ANXA7: variants seen among roughly 807,000 people sequenced by gnomAD.
The protein encoded by ANXA7 is annexin A7, also known as annexin VII.
A neutral mutation model predicts 64.9 loss-of-function variants in ANXA7; 55 were observed. The observed-to-expected ratio is 0.85, with a 90% CI of 0.68 to 1.06. The LOEUF is 1.06. Ranked by LOEUF, ANXA7 falls within the 50% of genes least tolerant of loss-of-function variation. The pLI is 0.00. For synonymous variants in ANXA7, 200 were observed against 192.4 expected, an observed-to-expected ratio of 1.04 and a Z score of -0.33; for missense variants, 548 against 582.1, an observed-to-expected ratio of 0.94 and a Z score of 0.60.
intron 12 of ANXA7, 90 bp from the exon 13 acceptor site, chr10:73,376,307 A>G: frequency 1.6e-6 from 2 of 1,272,966 alleles, no homozygotes; most frequent in Admixed American, 3.0e-5. Context: ...TCTTAATAAT[A>G]ATCAAAACTT....
intron 7 of ANXA7, among the ~76,000 whole-genome samples, chr10:73,384,118 CT>C (rs1338461901): frequency 6.7e-6 from 1 of 148,396 alleles, no homozygotes; most frequent in African/African-American, 2.5e-5. Context: ...AAGACTCCGT[CT>C]CAAAAAAAAA....
rs747521119 is a variant in ANXA7, at chr10:73,397,251, C to A, written c.283G>T (p.Val95Phe). ...GAAAAGCCTGCTCCACCTGGTGGGA[C>A]TCCAAATCCTTGGCCTGGAGGAACT... is the stretch of plus-strand genomic sequence containing the variant. Reference protein sequence around the residue: ...PGVPPGQGFGVPPGGAGFSGY... With the variant: ...PGVPPGQGFGFPPGGAGFSGY... The change falls in exon 4 of 13, where the codon GTC becomes TTC. Residue 95 changes from valine to phenylalanine, a missense_variant. Physicochemically the swap from Val to Phe is conservative, Grantham distance 50. Coordinates refer to ENST00000372921, the MANE Select transcript of ANXA7 (RefSeq NM_001156.5). 7 of 1,612,318 alleles carry A rather than the reference C, an allele frequency of 4.3e-6. No homozygotes were observed. Among genetic ancestry groups the A allele is most frequent in the Non-Finnish European group, 5.1e-6 (6 of 1,178,956 alleles).
intron 12 of ANXA7, among the ~76,000 whole-genome samples, chr10:73,377,773 GGTGTGTGTGT>G (rs368036663): frequency 1.3e-4 from 16 of 124,822 alleles, no homozygotes; most frequent in Non-Finnish European, 2.2e-4. Context: ...GGTGGGTGTG[GGTGTGTGTGT>G]GTGTGTGTGT....
chr10:73,390,231 T>TA (rs1474489728), intron 5 of ANXA7, among the ~76,000 whole-genome samples: 2 of 152,250 alleles, frequency 1.3e-5, no homozygotes, highest in East Asian at 3.9e-4. Flanking sequence ...TTTAAAGTTA[T>TA]ACACATTGAA....
In ANXA7 at chr10:73,375,348, T is replaced by C. The variant is rs187590433; in HGVS notation, c.*747A>G. On this transcript the variant is annotated 3_prime_UTR_variant, in exon 13 of 13. Coordinates refer to ENST00000372921, the MANE Select transcript of ANXA7 (RefSeq NM_001156.5). ...TCACCACACATGAAAAAATGGTAAC[T>C]ATGTCAAGGTGACAGATACGTAATT... 6.6e-6 allele frequency: 1 copy of C among 152,348 alleles called. No individual in the cohort carries two copies. The highest frequency in any genetic ancestry group is 1.5e-5 in the Non-Finnish European group (1 of 68,024). 9.4% of individuals were successfully genotyped at this position (152,348 alleles called of 1,614,324 possible).
chr10:73,376,913 A>G (rs1176444693), intron 12 of ANXA7, among the ~76,000 whole-genome samples: 2 of 152,224 alleles, frequency 1.3e-5, no homozygotes, highest in East Asian at 3.8e-4. Context: ...ACACTCACAA[A>G]AAGACAAATA....
chr10:73,387,290 G>A (rs991078911), intron 7 of ANXA7, among the ~76,000 whole-genome samples: 7 of 152,072 alleles, frequency 4.6e-5, no homozygotes, highest in Non-Finnish European at 7.4e-5. Context: ...TGAGGCAGGC[G>A]GATCACTTGA....
chr10:73,383,064 G>T, intron 9 of ANXA7, 111 bp downstream of exon 9: 1 of 921,576 alleles, frequency 1.1e-6, no homozygotes, highest in Non-Finnish European at 1.6e-6. Flanking sequence ...TCTTAAAGAT[G>T]GCAATATTGC....
At position 73,375,925 on chromosome 10, in the gene ANXA7, A is replaced by G; in HGVS notation, c.*170T>C. On this transcript the variant is annotated 3_prime_UTR_variant, in exon 13 of 13. Transcript: ENST00000372921. Reference sequence around the variant, plus strand: ...TGTATGTAGAGAACAAAATAAAATTAGAATTAAGGCAATAACAACATGTGC... The same window carrying G: ...TGTATGTAGAGAACAAAATAAAATTGGAATTAAGGCAATAACAACATGTGC... The G allele has an allele frequency of 2.2e-6, 1 of 453,782 alleles. No homozygotes were observed. Among genetic ancestry groups the G allele is most frequent in the South Asian group, 5.9e-5 (1 of 17,092 alleles). 28.1% of individuals were successfully genotyped at this position (453,782 alleles called of 1,614,324 possible). A position where few individuals can be genotyped will look rare whatever the true frequency, so the allele number is the denominator to read the frequency against.
At chr10:73,403,103 G>A (rs775560261) in intron 1 of ANXA7, among the ~76,000 whole-genome samples, 1 of 152,302 alleles carries the variant, frequency 6.6e-6, no homozygotes. Flanking sequence ...GATTATAGGC[G>A]TGAGCCACTG....
intron 7 of ANXA7, among the ~76,000 whole-genome samples, chr10:73,384,126 A>AT: frequency 1.3e-5 from 2 of 152,082 alleles, no homozygotes; most frequent in African/African-American, 4.8e-5. Context: ...GTCTCAAAAA[A>AT]AAAAATAAAT....
intron 5 of ANXA7, chr10:73,395,802 G>T: frequency 1.7e-5 from 8 of 461,782 alleles, no homozygotes; most frequent in East Asian, 4.4e-5. Flanking sequence ...AAAAAAAAAA[G>T]AAGCCATACG....
chr10:73,399,076 C>G (rs1188208560), intron 2 of ANXA7, among the ~76,000 whole-genome samples: 1 of 152,180 alleles, frequency 6.6e-6, no homozygotes, highest in African/African-American at 2.4e-5. Context: ...GGCAAATCCT[C>G]CATGCTCTCT....
At position 73,376,026 on chromosome 10, in the gene ANXA7, G is replaced by T; in HGVS notation, c.*69C>A. 1 of 1,303,254 alleles carries T rather than the reference G, an allele frequency of 7.7e-7. No homozygotes were observed. Among genetic ancestry groups the T allele is most frequent in the Non-Finnish European group, 1.0e-6 (1 of 974,010 alleles). The allele number at this position is 1,303,254 out of a possible 1,614,324, so 80.7% of individuals were successfully genotyped here. A position where few individuals can be genotyped will look rare whatever the true frequency, so the allele number is the denominator to read the frequency against. Reference sequence around the variant, plus strand: ...TAGCTGATGTTTGATATTGCTGCATGCAGGTCATTGCTCTGAAGGATAAGC... The same window carrying T: ...TAGCTGATGTTTGATATTGCTGCATTCAGGTCATTGCTCTGAAGGATAAGC... On this transcript the variant is annotated 3_prime_UTR_variant, in exon 13 of 13. Coordinates refer to ENST00000372921, the MANE Select transcript of ANXA7 (RefSeq NM_001156.5).
chr10:73,390,624 G>A (rs1209123787), intron 5 of ANXA7, among the ~76,000 whole-genome samples: 5 of 148,750 alleles, frequency 3.4e-5, no homozygotes, highest in South Asian at 2.1e-4. Context: ...CTAATACACT[G>A]GAATAGATAA....
At chr10:73,392,464 C>A (rs1336328901) in intron 5 of ANXA7, among the ~76,000 whole-genome samples, 1 of 152,190 alleles carries the variant, frequency 6.6e-6, no homozygotes, top group Non-Finnish European at 1.5e-5. Flanking sequence ...AAAATACTGG[C>A]AAACCGAATC....
intron 6 of ANXA7, 85 bp downstream of exon 6, chr10:73,388,227 C>A: frequency 1.0e-6 from 1 of 975,570 alleles, no homozygotes. Context: ...GACACATAAA[C>A]TTGGGTTTAT....
At chr10:73,379,853 T>C (rs771802789) in intron 11 of ANXA7, 26 bp downstream of exon 11, 1 of 1,605,780 alleles carries the variant, frequency 6.2e-7, no homozygotes, top group Non-Finnish European at 8.5e-7. Context: ...AAAAAGAAAA[T>C]AAAGCAAAGC....
intron 6 of ANXA7, 38 bp from the exon 7 acceptor site, chr10:73,387,821 C>G (rs16930547): frequency 9.3e-7 from 1 of 1,079,946 alleles, no homozygotes; most frequent in East Asian, 2.4e-5. Flanking sequence ...GGACAAAGTA[C>G]ATGCTAGGTG....
Sources: allele counts gnomAD v4.1 joint callset (sites outside exome capture counted in the v4.1 genomes callset), GRCh38; gene constraint gnomAD v4.1.1; transcripts MANE v1.5; gene names NCBI Gene and HGNC (gene_info 2026-07-23, HGNC 2026-07-21).